SENP6: variants seen among roughly 807,000 people sequenced by gnomAD.
The protein encoded by SENP6 is SUMO specific peptidase 6.
A neutral mutation model predicts 134.5 loss-of-function variants in SENP6; 41 were observed. The observed-to-expected ratio is 0.30, with a 90% CI of 0.24 to 0.40. The LOEUF (loss-of-function observed/expected upper bound fraction) is 0.40. SENP6 is among the 10% of genes least tolerant of loss of function. SENP6 has a pLI of 1.00. For synonymous variants in SENP6, 395 were observed against 429.8 expected (o/e 0.92, Z 1.00); for missense variants, 1,248 against 1,312.5 (o/e 0.95, Z 0.76).
chr6:75,634,619 T>G (rs910050723), intron 4 of SENP6, 88 bp from the exon 5 acceptor site: 16 of 659,042 alleles, frequency 2.4e-5, no homozygotes, highest in Admixed American at 1.8e-4. Flanking sequence ...GGTTTTTGTG[T>G]GTTTGTTCAG....
At chr6:75,645,541 CG>C (rs1247806936) in intron 6 of SENP6, among the ~76,000 whole-genome samples, 4 of 152,214 alleles carry the variant, frequency 2.6e-5, no homozygotes, top group Non-Finnish European at 5.9e-5. Context: ...CACTTGAACC[CG>C]GGAGGCAGAG....
At chr6:75,674,230 A>G (rs966982675) in intron 11 of SENP6, among the ~76,000 whole-genome samples, 1 of 148,870 alleles carries the variant, frequency 6.7e-6, no homozygotes, top group African/African-American at 2.5e-5. Flanking sequence ...AGTCATAGCT[A>G]ACTGTAACCT....
At chr6:75,651,282 T>G (rs1290743002) in intron 7 of SENP6, among the ~76,000 whole-genome samples, 1 of 152,192 alleles carries the variant, frequency 6.6e-6, no homozygotes, top group Non-Finnish European at 1.5e-5. Flanking sequence ...TTAATTATAT[T>G]CTTCATGTAA....
chr6:75,688,954 T>G (rs1264301901), intron 16 of SENP6, among the ~76,000 whole-genome samples: 15 of 152,114 alleles, frequency 9.9e-5, no homozygotes, highest in Admixed American at 7.2e-4. Context: ...TAATCCCAGC[T>G]ACTTGGGAGG....
chr6:75,709,059 T>C (rs1002405986), intron 19 of SENP6, among the ~76,000 whole-genome samples: 2 of 152,162 alleles, frequency 1.3e-5, no homozygotes, highest in Non-Finnish European at 2.9e-5. Context: ...TTGCCCTGAA[T>C]TATATAATTT....
intron 1 of SENP6, among the ~76,000 whole-genome samples, chr6:75,612,324 C>T (rs918547995): frequency 6.6e-6 from 1 of 152,160 alleles, no homozygotes; most frequent in African/African-American, 2.4e-5. Flanking sequence ...ATTTAATTCT[C>T]TCTATATTTT....
chr6:75,683,909 A>G (rs879873405), intron 16 of SENP6, among the ~76,000 whole-genome samples: 63 of 152,322 alleles, frequency 4.1e-4, no homozygotes, highest in Non-Finnish European at 8.2e-4. Flanking sequence ...TGAACTTTAA[A>G]GTAGTTTTTT....
intron 2 of SENP6, among the ~76,000 whole-genome samples, chr6:75,623,152 G>T (rs1418527127): frequency 6.6e-6 from 1 of 151,730 alleles, no homozygotes; most frequent in South Asian, 2.1e-4. Context: ...AAATAGCTGA[G>T]TTGTCTTCGA....
At chr6:75,700,508 A>T (rs1184282860) in intron 18 of SENP6, among the ~76,000 whole-genome samples, 2 of 152,052 alleles carry the variant, frequency 1.3e-5, no homozygotes, top group Non-Finnish European at 2.9e-5. Context: ...TTATTTTGAG[A>T]TGGGGTCTCA....
chr6:75,614,885 T>G (rs1283543697), intron 1 of SENP6, among the ~76,000 whole-genome samples: 1 of 152,142 alleles, frequency 6.6e-6, no homozygotes, highest in Non-Finnish European at 1.5e-5. Context: ...TTGCAAGTTT[T>G]TTGTTGTTGT....
intron 1 of SENP6, among the ~76,000 whole-genome samples, chr6:75,613,123 A>AAAAAG (rs941976815): frequency 6.6e-6 from 1 of 151,754 alleles, no homozygotes; most frequent in East Asian, 1.9e-4. Context: ...TTAAAAAAAA[A>AAAAAG]AAAAGAAAAG....
chr6:75,684,282 A>C (rs369803268), intron 16 of SENP6, among the ~76,000 whole-genome samples: 1 of 152,160 alleles, frequency 6.6e-6, no homozygotes, highest in Non-Finnish European at 1.5e-5. Context: ...GCTTATCAGC[A>C]TAAGGAGATT....
chr6:75,707,855 T>C (rs1775508110), intron 19 of SENP6, among the ~76,000 whole-genome samples: 1 of 151,938 alleles, frequency 6.6e-6, no homozygotes, highest in Non-Finnish European at 1.5e-5. Context: ...GCTGATTCTT[T>C]ATTTTATTTT....
intron 9 of SENP6, among the ~76,000 whole-genome samples, chr6:75,666,041 T>TTA (rs979358322): frequency 2.8e-5 from 4 of 145,184 alleles, no homozygotes; most frequent in African/African-American, 5.0e-5. Context: ...TATATATATT[T>TTA]TATATATATA....
intron 16 of SENP6, among the ~76,000 whole-genome samples, chr6:75,689,588 A>G (rs997929706): frequency 1.3e-5 from 2 of 152,214 alleles, no homozygotes; most frequent in Non-Finnish European, 2.9e-5. Flanking sequence ...CTCGTGCCAC[A>G]TAACGTTTCA....
intron 16 of SENP6, among the ~76,000 whole-genome samples, chr6:75,685,345 T>C (rs1413139321): frequency 6.6e-6 from 1 of 151,808 alleles, no homozygotes; most frequent in African/African-American, 2.4e-5. Flanking sequence ...CCTGGATTCA[T>C]TGATTTTTTT....
At chr6:75,629,933 C>T (rs2149835364) in intron 3 of SENP6, among the ~76,000 whole-genome samples, 1 of 152,156 alleles carries the variant, frequency 6.6e-6, no homozygotes, top group African/African-American at 2.4e-5. Context: ...AGAGACTATT[C>T]CTAAGTTGTT....
chr6:75,662,680 A>T (rs917154835), intron 8 of SENP6, among the ~76,000 whole-genome samples: 3 of 152,192 alleles, frequency 2.0e-5, no homozygotes, highest in South Asian at 4.1e-4. Context: ...AGCTGATGGA[A>T]GGCATATGGT....
intron 16 of SENP6, among the ~76,000 whole-genome samples, chr6:75,694,147 T>C (rs1475630746): frequency 6.6e-6 from 1 of 152,012 alleles, no homozygotes; most frequent in Non-Finnish European, 1.5e-5. Context: ...TCCCAACTAA[T>C]CAGGAGGCTG....
Sources: gnomAD v4.1 joint callset for allele counts (sites outside exome capture counted in the v4.1 genomes callset) on GRCh38, gnomAD v4.1.1 for gene constraint, MANE v1.5 for transcripts, NCBI Gene and HGNC (gene_info 2026-07-23, HGNC 2026-07-21) for gene names.